Variants in PRKAR2B observed in about 807,000 individuals in gnomAD.
PRKAR2B encodes the protein cAMP-dependent protein kinase type II-beta regulatory subunit.
Under a neutral mutation model 49.9 loss-of-function variants are expected in PRKAR2B, and 14 were observed. The observed-to-expected ratio is 0.28, with a 90% CI of 0.19 to 0.44. The LOEUF (loss-of-function observed/expected upper bound fraction) is 0.44, where lower values mean the gene tolerates loss of function less well. Ranked by LOEUF, PRKAR2B falls within the 20% of genes least tolerant of loss-of-function variation. PRKAR2B has a pLI of 1.00. For missense variants in PRKAR2B, 393 were observed against 537.9 expected, an observed-to-expected ratio of 0.73 and a Z score of 2.67; for synonymous variants, 196 against 197.7, an observed-to-expected ratio of 0.99 and a Z score of 0.07.
At chr7:107,077,037 G>A (rs1043534266) in intron 2 of PRKAR2B, among the ~76,000 whole-genome samples, 6 of 152,082 alleles carry the variant, frequency 3.9e-5, no homozygotes, top group Non-Finnish European at 8.8e-5. Context: ...TCTACTTTAA[G>A]GTTATTTGAC....
chr7:107,146,223 A>G, intron 5 of PRKAR2B, 85 bp from the exon 6 acceptor site: 8 of 1,378,548 alleles, frequency 5.8e-6, no homozygotes, highest in Non-Finnish European at 7.9e-6. Flanking sequence ...TAAGATTTTT[A>G]TTTCACAGGG....
chr7:107,062,917 C>T (rs1477735093), intron 1 of PRKAR2B, among the ~76,000 whole-genome samples: 1 of 151,282 alleles, frequency 6.6e-6, no homozygotes, highest in East Asian at 2.0e-4. Flanking sequence ...TAGTCAAGCT[C>T]TAGTGTTAAA....
intron 1 of PRKAR2B, among the ~76,000 whole-genome samples, chr7:107,047,142 G>A (rs1056726718): frequency 3.9e-5 from 6 of 152,202 alleles, no homozygotes; most frequent in Admixed American, 2.6e-4. Flanking sequence ...CACCCCCAAG[G>A]ACTTTAAAAC....
intron 1 of PRKAR2B, among the ~76,000 whole-genome samples, chr7:107,060,860 C>T (rs1794014757): frequency 1.3e-5 from 2 of 152,138 alleles, no homozygotes; most frequent in African/African-American, 4.8e-5. Context: ...AAGGTAATCT[C>T]TTTATTTTCC....
At chr7:107,124,400 AGT>A (rs1021319126) in intron 3 of PRKAR2B, among the ~76,000 whole-genome samples, 2 of 152,210 alleles carry the variant, frequency 1.3e-5, no homozygotes, top group African/African-American at 4.8e-5. Context: ...TGGAGCTTAC[AGT>A]CTAGTGGCAG....
intron 2 of PRKAR2B, chr7:107,077,394 G>C (rs1404113705): frequency 6.6e-6 from 1 of 152,186 alleles, no homozygotes. Flanking sequence ...TCCTCAAAGT[G>C]AAAAGGAGAA....
intron 1 of PRKAR2B, among the ~76,000 whole-genome samples, chr7:107,057,247 C>T (rs1156823098): frequency 6.6e-6 from 1 of 152,120 alleles, no homozygotes; most frequent in Non-Finnish European, 1.5e-5. Flanking sequence ...ACATATCCAC[C>T]CGCTTACCAA....
intron 2 of PRKAR2B, among the ~76,000 whole-genome samples, chr7:107,111,827 C>T (rs1470154559): frequency 6.6e-6 from 1 of 151,644 alleles, no homozygotes; most frequent in Admixed American, 6.6e-5. Flanking sequence ...CACTTCCACC[C>T]CCAATTTAGA....
intron 4 of PRKAR2B, among the ~76,000 whole-genome samples, chr7:107,131,631 A>T (rs763378953): frequency 2.6e-5 from 4 of 151,982 alleles, no homozygotes; most frequent in Non-Finnish European, 4.4e-5. Context: ...CTTTTTTTTG[A>T]ATTTGAGCTC....
At chr7:107,114,069 A>G (rs1488035713) in intron 2 of PRKAR2B, among the ~76,000 whole-genome samples, 1 of 152,146 alleles carries the variant, frequency 6.6e-6, no homozygotes, top group Non-Finnish European at 1.5e-5. Flanking sequence ...TATTAAAAGA[A>G]ATGGTTGATG....
At chr7:107,061,770 G>C (rs139083907) in intron 1 of PRKAR2B, among the ~76,000 whole-genome samples, 4 of 152,278 alleles carry the variant, frequency 2.6e-5, no homozygotes, top group African/African-American at 9.6e-5. Flanking sequence ...GGTGGCACAT[G>C]CCTTTAATCC....
intron 5 of PRKAR2B, among the ~76,000 whole-genome samples, chr7:107,141,724 AG>A (rs1318071331): frequency 2.6e-5 from 4 of 152,186 alleles, no homozygotes; most frequent in African/African-American, 9.7e-5. Context: ...AAATAAAAAT[AG>A]GAAATGCAAA....
intron 2 of PRKAR2B, among the ~76,000 whole-genome samples, chr7:107,084,944 T>A (rs1794589189): frequency 6.6e-6 from 1 of 152,094 alleles, no homozygotes; most frequent in Non-Finnish European, 1.5e-5. Flanking sequence ...TTGAAGTATC[T>A]GCAAATCAAA....
intron 2 of PRKAR2B, among the ~76,000 whole-genome samples, chr7:107,113,488 A>G (rs1321928752): frequency 1.3e-5 from 2 of 152,236 alleles, no homozygotes; most frequent in Admixed American, 6.5e-5. Flanking sequence ...AAGTACAAAT[A>G]TAGTTTCTAT....
chr7:107,052,221 C>T (rs1793820013), intron 1 of PRKAR2B, among the ~76,000 whole-genome samples: 2 of 152,114 alleles, frequency 1.3e-5, no homozygotes, highest in Non-Finnish European at 2.9e-5. Context: ...GAATAGGACA[C>T]CAGCCTGGCC....
chr7:107,059,441 A>G (rs1793982975), intron 1 of PRKAR2B, among the ~76,000 whole-genome samples: 1 of 152,118 alleles, frequency 6.6e-6, no homozygotes, highest in African/African-American at 2.4e-5. Flanking sequence ...TTGTAGTATT[A>G]CTACATAGGC....
intron 4 of PRKAR2B, chr7:107,133,678 A>G (rs1562867087): frequency 6.6e-6 from 1 of 152,214 alleles, no homozygotes; most frequent in Non-Finnish European, 1.5e-5. Flanking sequence ...CAAGGAGGGG[A>G]CGAAAACTGC....
intron 2 of PRKAR2B, among the ~76,000 whole-genome samples, chr7:107,095,275 A>T (rs1256691139): frequency 2.0e-5 from 3 of 152,136 alleles, no homozygotes; most frequent in Non-Finnish European, 2.9e-5. Flanking sequence ...GCAATTGTGA[A>T]TGGGAGTTCA....
chr7:107,126,085 C>T (rs6952173), intron 3 of PRKAR2B, among the ~76,000 whole-genome samples: 1,977 of 49,216 alleles, frequency 0.04, 66 homozygotes, highest in African/African-American at 0.12. Context: ...AAGACTGTGT[C>T]TTAAAAAAAA....
Sources: gnomAD v4.1 joint callset for allele counts (sites outside exome capture counted in the v4.1 genomes callset) on GRCh38, gnomAD v4.1.1 for gene constraint, MANE v1.5 for transcripts, NCBI Gene and HGNC (gene_info 2026-07-23, HGNC 2026-07-21) for gene names.